KLF8: variants seen among roughly 807,000 people sequenced by gnomAD.
KLF8 encodes the protein KLF transcription factor 8, also known as Krueppel-like factor 8.
A neutral mutation model predicts 18.2 loss-of-function variants in KLF8; 10 were observed. That is an observed-to-expected ratio of 0.55 (90% CI 0.34 to 0.93). The LOEUF (loss-of-function observed/expected upper bound fraction) is 0.93, where lower values mean the gene tolerates loss of function less well. KLF8 is among the 40% of genes least tolerant of loss of function. KLF8 has a pLI of 0.02. For synonymous variants in KLF8, 109 were observed against 97.3 expected, an observed-to-expected ratio of 1.12 and a Z score of -0.71; for missense variants, 264 against 277.9, an observed-to-expected ratio of 0.95 and a Z score of 0.36.
the KLF8 span, among the ~76,000 whole-genome samples, chrX:56,003,501 C>G: frequency 1.8e-5 from 2 of 110,610 alleles, no homozygotes; most frequent in African/African-American, 6.6e-5. Context: ...GGATTTTGAT[C>G]AAGAGTGCTT....
the KLF8 span, among the ~76,000 whole-genome samples, chrX:56,092,902 A>G: frequency 9.1e-6 from 1 of 110,050 alleles, no homozygotes; most frequent in Non-Finnish European, 1.9e-5. Context: ...GAAATGACAT[A>G]TGCCTTAGAT....
the KLF8 span, among the ~76,000 whole-genome samples, chrX:56,105,292 C>A: frequency 9.0e-6 from 1 of 111,474 alleles, no homozygotes; most frequent in African/African-American, 3.3e-5. Flanking sequence ...TCTCATTGAT[C>A]TGTCTAATAT....
At chrX:56,165,451 G>T in the KLF8 span, among the ~76,000 whole-genome samples, 1 of 112,410 alleles carries the variant, frequency 8.9e-6, no homozygotes, top group African/African-American at 3.2e-5. Context: ...GGTCTATCTT[G>T]CATTTTAAAT....
At chrX:56,036,270 G>C in the KLF8 span, among the ~76,000 whole-genome samples, 1 of 111,179 alleles carries the variant, frequency 9.0e-6, no homozygotes, top group Non-Finnish European at 1.9e-5. Flanking sequence ...ATTTCCTCAA[G>C]CATTTTCTCT....
At chrX:55,989,970 G>T in the KLF8 span, among the ~76,000 whole-genome samples, 2 of 111,759 alleles carry the variant, frequency 1.8e-5, no homozygotes, top group African/African-American at 3.3e-5. Context: ...ATTTCTTCTA[G>T]AGTTTCTAGT....
chrX:56,139,795 AG>A, the KLF8 span, among the ~76,000 whole-genome samples: 1 of 111,972 alleles, frequency 8.9e-6, no homozygotes, highest in South Asian at 3.7e-4. Context: ...ATTAAACTAA[AG>A]AGCTTCTGCA....
the KLF8 span, among the ~76,000 whole-genome samples, chrX:55,992,969 A>G: frequency 9.0e-6 from 1 of 111,279 alleles, no homozygotes; most frequent in African/African-American, 3.3e-5. Flanking sequence ...ACTTTGCTGA[A>G]GTTGTTTGTA....
the KLF8 span, among the ~76,000 whole-genome samples, chrX:56,002,417 A>G: frequency 1.9e-4 from 18 of 92,653 alleles, no homozygotes; most frequent in African/African-American, 6.5e-4. Context: ...ATTTGTGTGT[A>G]TGTGTGTGTG....
At chrX:55,913,259 G>T in the KLF8 span, among the ~76,000 whole-genome samples, 3 of 111,194 alleles carry the variant, frequency 2.7e-5, no homozygotes, top group African/African-American at 9.8e-5. Context: ...CTCCTTTATT[G>T]TTCTCTCTGC....
the KLF8 span, among the ~76,000 whole-genome samples, chrX:56,038,821 C>T: frequency 4.8e-4 from 54 of 112,515 alleles, no homozygotes; most frequent in South Asian, 8.5e-3. Context: ...AACTAATGTA[C>T]GTTTCCACCA....
At chrX:55,946,132 C>A in the KLF8 span, among the ~76,000 whole-genome samples, 2 of 111,682 alleles carry the variant, frequency 1.8e-5, no homozygotes, top group African/African-American at 6.5e-5. Flanking sequence ...TTGGAAAAAA[C>A]TACTTTAAAA....
At position 56,288,399 on chromosome X, in the gene KLF8, G is replaced by T. The variant is rs1405898934; in HGVS notation, c.*3905G>T. Among the ~76,000 whole-genome samples, 1 of 111,365 alleles carries T rather than the reference G, an allele frequency of 9.0e-6. No individual in the cohort carries two copies. Among genetic ancestry groups the T allele is most frequent in the Non-Finnish European group, 1.9e-5 (1 of 53,122 alleles). On this transcript the variant is annotated 3_prime_UTR_variant, in exon 6 of 6. Transcript: ENST00000468660. ...GAGAGATTTTCCTCAACTGGGATTT[G>T]TCAGTTGTCTTTCTCATGATTAGAC... is the stretch of plus-strand genomic sequence containing the variant.
chrX:56,211,182 C>T, the KLF8 span, among the ~76,000 whole-genome samples: 1 of 112,133 alleles, frequency 8.9e-6, no homozygotes, highest in Admixed American at 9.5e-5. Flanking sequence ...TTTGGGAAGG[C>T]TTTCCATATA....
chrX:56,105,051 C>T, the KLF8 span, among the ~76,000 whole-genome samples: 75 of 112,016 alleles, frequency 6.7e-4, no homozygotes, highest in African/African-American at 2.2e-3. Flanking sequence ...ATCCTGAGTT[C>T]TAATTTGATT....
the KLF8 span, among the ~76,000 whole-genome samples, chrX:55,965,263 A>G: frequency 6.2e-5 from 7 of 112,706 alleles, no homozygotes; most frequent in Non-Finnish European, 1.3e-4. Flanking sequence ...TGTGATCATC[A>G]CATAAACAGA....
chrX:56,185,481 C>T, the KLF8 span, among the ~76,000 whole-genome samples: 2 of 111,680 alleles, frequency 1.8e-5, no homozygotes, highest in African/African-American at 6.5e-5. Context: ...CTTCCCCAAT[C>T]TAGCAAGGCA....
chrX:56,061,163 C>T, the KLF8 span, among the ~76,000 whole-genome samples: 2 of 111,581 alleles, frequency 1.8e-5, no homozygotes, highest in Non-Finnish European at 1.9e-5. Context: ...TCTCTATCTC[C>T]TTCAATTCTG....
the KLF8 span, among the ~76,000 whole-genome samples, chrX:56,215,996 T>C: frequency 1.9e-4 from 21 of 108,969 alleles, no homozygotes; most frequent in African/African-American, 6.7e-4. Context: ...TTTTTAATTG[T>C]TTCTCGGTGA....
chrX:56,252,553 T>C (rs1223195978), intron 2 of KLF8, among the ~76,000 whole-genome samples: 1 of 112,361 alleles, frequency 8.9e-6, no homozygotes, highest in Admixed American at 9.4e-5. Context: ...TGACAGGATC[T>C]CATTCTTTTT....
Sources: gnomAD v4.1 joint callset for allele counts (sites outside exome capture counted in the v4.1 genomes callset) on GRCh38, gnomAD v4.1.1 for gene constraint, MANE v1.5 for transcripts, NCBI Gene and HGNC (gene_info 2026-07-23, HGNC 2026-07-21) for gene names.